The following NCALD variants were observed in gnomAD, a reference collection of about 807,000 sequenced individuals.
NCALD encodes the protein neurocalcin delta.
NCALD carries 10 observed loss-of-function variants against 18.6 expected under a neutral mutation model. The observed-to-expected ratio is 0.54, with a 90% CI of 0.33 to 0.91. The LOEUF (loss-of-function observed/expected upper bound fraction) is 0.91, where lower values mean the gene tolerates loss of function less well. Ranked by LOEUF, NCALD falls within the 40% of genes least tolerant of loss-of-function variation. The probability of loss-of-function intolerance (pLI) is 0.03; values close to 1 mark genes in which losing one functional copy is unlikely to be tolerated. For synonymous variants in NCALD, 88 were observed against 87.4 expected (o/e 1.01, Z -0.04); for missense variants, 184 against 247.6 (o/e 0.74, Z 1.72).
At chr8:101,921,451 C>T (rs1055007054) in intron 2 of NCALD, among the ~76,000 whole-genome samples, 3 of 151,898 alleles carry the variant, frequency 2.0e-5, no homozygotes, top group African/African-American at 7.2e-5. Context: ...TAGAAAAAGA[C>T]GTAACTACCA....
intron 2 of NCALD, among the ~76,000 whole-genome samples, chr8:101,968,591 G>A (rs1402262022): frequency 3.3e-5 from 5 of 152,058 alleles, no homozygotes; most frequent in South Asian, 2.1e-4. Context: ...GACTCAGGAC[G>A]CTGTGAAAAA....
intron 4 of NCALD, among the ~76,000 whole-genome samples, chr8:101,806,013 T>C (rs1813088387): frequency 6.6e-6 from 1 of 152,142 alleles, no homozygotes; most frequent in Admixed American, 6.6e-5. Flanking sequence ...GCAGACCATA[T>C]AACAGAGAGA....
intron 1 of NCALD, among the ~76,000 whole-genome samples, chr8:102,060,171 C>T (rs1823793848): frequency 6.6e-6 from 1 of 152,042 alleles, no homozygotes; most frequent in South Asian, 2.1e-4. Context: ...TCGGTACAGA[C>T]AGGGTTTCAC....
At chr8:101,996,219 A>T (rs997828276) in intron 2 of NCALD, among the ~76,000 whole-genome samples, 1 of 152,252 alleles carries the variant, frequency 6.6e-6, no homozygotes, top group African/African-American at 2.4e-5. Context: ...AGTTTCAAAA[A>T]TATTAGGAGC....
intron 2 of NCALD, among the ~76,000 whole-genome samples, chr8:101,920,182 A>G (rs1489622676): frequency 6.6e-6 from 1 of 152,176 alleles, no homozygotes; most frequent in African/African-American, 2.4e-5. Flanking sequence ...ACTTGAGCCC[A>G]GGAGGTCCAG....
intron 1 of NCALD, among the ~76,000 whole-genome samples, chr8:102,067,673 T>C (rs1323877087): frequency 6.6e-6 from 1 of 152,190 alleles, no homozygotes; most frequent in Non-Finnish European, 1.5e-5. Context: ...GCCTCAGCAG[T>C]ATCATTTATA....
chr8:102,097,376 G>A (rs1554596478), intron 1 of NCALD, among the ~76,000 whole-genome samples: 1 of 152,118 alleles, frequency 6.6e-6, no homozygotes, highest in Non-Finnish European at 1.5e-5. Context: ...TGTGAGCCAG[G>A]GTCCTTACTC....
rs1814643667 is a variant in NCALD, at chr8:101,689,939, G to GTT, written c.485-534_485-533insAA. On this transcript the variant is annotated intron_variant, in intron 3 of 3. Coordinates refer to ENST00000220931, the MANE Select transcript of NCALD (RefSeq NM_032041.3). The surrounding 1 kb of genome is among the most constrained non-coding windows in gnomAD (Gnocchi z 4.4). ...CTATCTTGGGGAAGAAGCCGTGGAC[G>GTT]TAAGTGTTTGTTCATACACCACGGG... Among the ~76,000 whole-genome samples, 1 of 152,178 alleles carries GTT rather than the reference G, an allele frequency of 6.6e-6. No homozygotes were observed. Among genetic ancestry groups the GTT allele is most frequent in the Admixed American group, 6.5e-5 (1 of 15,286 alleles).
rs185280946 is a variant in NCALD, at chr8:101,718,522, G to A, written c.378+730C>T. Among the ~76,000 whole-genome samples the A allele has an allele frequency of 6.6e-3, 1,012 of 152,204 alleles. 4 individuals carry two copies. The highest frequency in any genetic ancestry group is 0.01 in the Non-Finnish European group (712 of 68,000). On this transcript the variant is annotated intron_variant, in intron 2 of 3. Transcript: ENST00000220931. Reference sequence around the variant, plus strand: ...GGGAGTGTTGATTTCATCAGCCCACGAAGACTAAATGTTCCTCCCTGCCTC... The same window carrying A: ...GGGAGTGTTGATTTCATCAGCCCACAAAGACTAAATGTTCCTCCCTGCCTC...
intron 2 of NCALD, among the ~76,000 whole-genome samples, chr8:101,995,243 T>A (rs1586890677): frequency 1.3e-5 from 2 of 152,248 alleles, no homozygotes; most frequent in South Asian, 2.1e-4. Flanking sequence ...ACCAAAACCA[T>A]AACTTGCAAA....
At position 101,931,499 on chromosome 8, in the gene NCALD, G is replaced by A. The variant is rs548290554; in HGVS notation, c.-156-15641C>T. On this transcript the variant is annotated intron_variant, in intron 2 of 6. Transcript: ENST00000311028. ...CCTGGACTGGACACTCAAGTAAAAC[G>A]TGTGCATGACTCCATGTCCTGAGCC... is the stretch of plus-strand genomic sequence containing the variant. Among the ~76,000 whole-genome samples, 3 of 152,274 alleles carry A rather than the reference G, an allele frequency of 2.0e-5. No individual in the cohort carries two copies. In the South Asian group the frequency reaches 6.2e-4, roughly 32 times the overall value.
intron 2 of NCALD, among the ~76,000 whole-genome samples, chr8:101,927,888 A>G (rs1818396735): frequency 6.6e-6 from 1 of 152,174 alleles, no homozygotes. Context: ...TTCTCAGTGC[A>G]ACCTGTTCTC....
intron 2 of NCALD, among the ~76,000 whole-genome samples, chr8:101,916,600 C>T (rs1486619368): frequency 1.3e-5 from 2 of 151,988 alleles, no homozygotes; most frequent in African/African-American, 4.8e-5. Flanking sequence ...AGAATGAAGT[C>T]CAATTGTCTG....
chr8:101,813,772 T>C (rs1056768051), intron 4 of NCALD, among the ~76,000 whole-genome samples: 2 of 152,104 alleles, frequency 1.3e-5, no homozygotes, highest in African/African-American at 4.8e-5. Flanking sequence ...GCTTTTATTA[T>C]AGGATTTGGT....
At chr8:102,124,464 G>A (rs1826049225), upstream of NCALD, 1 of 141,704 alleles carries the variant, frequency 7.1e-6, no homozygotes, top group Non-Finnish European at 1.5e-5. Flanking sequence ...GGGGGGCCAA[G>A]ATGAGGCGCG....
chr8:102,100,896 G>C (rs1000461130), intron 1 of NCALD, among the ~76,000 whole-genome samples: 1 of 152,070 alleles, frequency 6.6e-6, no homozygotes, highest in Non-Finnish European at 1.5e-5. Flanking sequence ...CTGTGGGGAG[G>C]AGGAAGTGGG....
intron 4 of NCALD, among the ~76,000 whole-genome samples, chr8:101,805,652 C>G (rs930834272): frequency 1.3e-5 from 2 of 152,106 alleles, no homozygotes; most frequent in African/African-American, 4.8e-5. Flanking sequence ...AGCTCTCCCC[C>G]AAAGGAGCTG....
rs115804671 is a variant in NCALD at position 101,861,719 on chromosome 8, T to C, written c.-20+25422A>G. On this transcript the variant is annotated intron_variant, in intron 4 of 6. Coordinates refer to the NCALD transcript ENST00000311028. Reference sequence around the variant, plus strand: ...AAAAGATAACCTTAGGTTTCTATTGTGTTCTCTCACATGTTATTGCATTTC... The same window carrying C: ...AAAAGATAACCTTAGGTTTCTATTGCGTTCTCTCACATGTTATTGCATTTC... 8.6e-3 allele frequency among the ~76,000 whole-genome samples: 1,310 copies of C among 152,304 alleles called. 24 individuals are homozygous for C. The highest frequency in any genetic ancestry group is 0.029 in the African/African-American group (1,198 of 41,562).
At chr8:102,113,656 A>G (rs1825700091) in intron 1 of NCALD, among the ~76,000 whole-genome samples, 1 of 152,154 alleles carries the variant, frequency 6.6e-6, no homozygotes, top group Non-Finnish European at 1.5e-5. Flanking sequence ...GACAGTCCCC[A>G]TTTGTGCCTG....
Sources: allele counts gnomAD v4.1 joint callset (sites outside exome capture counted in the v4.1 genomes callset), GRCh38; gene constraint gnomAD v4.1.1; non-coding constraint Gnocchi (gnomAD v3.1); transcripts MANE v1.5; gene names NCBI Gene and HGNC (gene_info 2026-07-23, HGNC 2026-07-21).